The following HDAC9 variants were observed in gnomAD, a reference collection of about 807,000 sequenced individuals.
The protein encoded by HDAC9 is histone deacetylase 9, also known as MEF-2 interacting transcription repressor (MITR) protein.
A neutral mutation model predicts 139.4 loss-of-function variants in HDAC9; 41 were observed. The observed-to-expected ratio is 0.29, with a 90% confidence interval of 0.23 to 0.38. HDAC9 has a LOEUF of 0.38. HDAC9 is among the 10% of genes least tolerant of loss of function. The pLI is 1.00. For missense variants in HDAC9, 1,147 were observed against 1,297.0 expected (o/e 0.88, Z 1.78); for synonymous variants, 517 against 476.2 (o/e 1.09, Z -1.12).
intron 22 of HDAC9, among the ~76,000 whole-genome samples, chr7:18,877,634 G>C (rs1799418786): frequency 1.3e-5 from 2 of 152,106 alleles, no homozygotes; most frequent in South Asian, 4.1e-4. Flanking sequence ...AGTTTTGTTT[G>C]CTATCTCTGA....
At chr7:18,267,307 A>G (rs932762339) in intron 2 of HDAC9, among the ~76,000 whole-genome samples, 67 of 152,244 alleles carry the variant, frequency 4.4e-4, no homozygotes, top group African/African-American at 1.5e-3. Context: ...GAGAACACTT[A>G]GGAATATTTC....
chr7:18,801,203 T>C (rs1421662180), intron 17 of HDAC9, among the ~76,000 whole-genome samples: 1 of 152,122 alleles, frequency 6.6e-6, no homozygotes, highest in East Asian at 1.9e-4. Flanking sequence ...ATTATCTGTT[T>C]CACCATTAAA....
At chr7:18,113,348 G>GA (rs1450446854) in intron 1 of HDAC9, among the ~76,000 whole-genome samples, 17 of 152,156 alleles carry the variant, frequency 1.1e-4, no homozygotes, top group Admixed American at 3.3e-4. Flanking sequence ...TTTCTAGGCT[G>GA]AAATATTTAA....
At chr7:18,950,174 T>C (rs982062155) in intron 23 of HDAC9, among the ~76,000 whole-genome samples, 1 of 152,094 alleles carries the variant, frequency 6.6e-6, no homozygotes, top group South Asian at 2.1e-4. Flanking sequence ...TATTGCTTTT[T>C]CTTCCGCTCA....
At chr7:18,350,839 A>T (rs1460025875) in intron 1 of HDAC9, among the ~76,000 whole-genome samples, 1 of 152,144 alleles carries the variant, frequency 6.6e-6, no homozygotes, top group Admixed American at 6.5e-5. Context: ...AATCCCCATA[A>T]CGACACTGGG....
At chr7:18,209,858 G>A (rs1791809592) in intron 2 of HDAC9, among the ~76,000 whole-genome samples, 1 of 151,884 alleles carries the variant, frequency 6.6e-6, no homozygotes, top group Admixed American at 6.6e-5. Context: ...CCGCCACCAC[G>A]CCTGGCTAAT....
intron 22 of HDAC9, among the ~76,000 whole-genome samples, chr7:18,912,986 C>A (rs942824470): frequency 1.3e-5 from 2 of 152,052 alleles, no homozygotes; most frequent in Non-Finnish European, 2.9e-5. Flanking sequence ...TATTAGAAAA[C>A]TAAAGAGTTT....
chr7:18,368,851 A>G (rs936115912), intron 1 of HDAC9, among the ~76,000 whole-genome samples: 6 of 152,086 alleles, frequency 3.9e-5, no homozygotes, highest in African/African-American at 1.4e-4. Context: ...AGGGGTTGTA[A>G]CTGATGAACT....
chr7:18,206,912 T>C (rs945052756), intron 2 of HDAC9, among the ~76,000 whole-genome samples: 1 of 149,252 alleles, frequency 6.7e-6, no homozygotes, highest in Non-Finnish European at 1.5e-5. Context: ...ATTCAAAAAA[T>C]GATTCGAGAT....
rs2285433 is a variant in HDAC9 at position 18,636,297 on chromosome 7, C to G, written c.912+1555C>G. On this transcript the variant is annotated intron_variant, in intron 8 of 25. Coordinates refer to ENST00000686413, the MANE Select transcript of HDAC9 (RefSeq NM_178425.4). ...ACTGCTGTGTCCCCTGCCAGCCCCC[C>G]CTGCCCTGGGCTGTCTGATGTGGAA... Among the ~76,000 whole-genome samples the G allele has an allele frequency of 3.8e-3, 581 of 152,148 alleles. 3 individuals carry two copies. The highest frequency in any genetic ancestry group is 0.013 in the African/African-American group (550 of 41,546).
chr7:18,563,860 G>T (rs1017849240), intron 2 of HDAC9, among the ~76,000 whole-genome samples: 1 of 137,484 alleles, frequency 7.3e-6, no homozygotes. Context: ...TTTTTGAGAC[G>T]GATTCTTGCT....
chr7:18,129,799 A>G (rs1421299890), intron 1 of HDAC9, among the ~76,000 whole-genome samples: 2 of 152,182 alleles, frequency 1.3e-5, no homozygotes, highest in Non-Finnish European at 2.9e-5. Flanking sequence ...CTTATAGTCA[A>G]TGGAGGAGAA....
intron 21 of HDAC9, among the ~76,000 whole-genome samples, chr7:18,837,639 G>A (rs1395203679): frequency 6.6e-6 from 1 of 151,916 alleles, no homozygotes; most frequent in East Asian, 1.9e-4. Context: ...TTCCATTTGG[G>A]GTACTATAGC....
chr7:18,426,768 G>A (rs1317095966), intron 1 of HDAC9, among the ~76,000 whole-genome samples: 1 of 152,124 alleles, frequency 6.6e-6, no homozygotes, highest in Admixed American at 6.5e-5. Flanking sequence ...AAGATGACTT[G>A]TAAAGTTTAC....
At position 18,702,157 on chromosome 7, in the gene HDAC9, T is replaced by G. The variant is rs550995796; in HGVS notation, c.1732-25423T>G. On this transcript the variant is annotated intron_variant, in intron 12 of 25. Transcript: ENST00000686413. ...CGCTGACCCGTGAAAAGGGACAGGC[T>G]GTCGCTTGTGCCAGACCCATCTTTC... 5.9e-5 allele frequency among the ~76,000 whole-genome samples: 9 copies of G among 152,340 alleles called. 1 individual carries two copies. Among genetic ancestry groups the G allele is most frequent in the Admixed American group, 2.0e-4 (3 of 15,296 alleles).
rs780001154 is a variant in HDAC9, at chr7:18,767,167, T to C, written c.2214+12T>C. 5.2e-6 allele frequency: 8 copies of C among 1,532,694 alleles called. No individual in the cohort carries two copies. In the African/African-American group the frequency reaches 1.1e-4, roughly 21 times the overall value. 94.9% of individuals were successfully genotyped at this position (1,532,694 alleles called of 1,614,324 possible). On this transcript the variant is annotated intron_variant, in intron 16 of 25. Coordinates refer to ENST00000686413, the MANE Select transcript of HDAC9 (RefSeq NM_178425.4). ...GTGGTGGACTTGGGGTAAGTACAAG[T>C]TGGTTTACTGCCTTTAAATAACATA...
chr7:18,293,560 A>T (rs897230387), intron 1 of HDAC9, among the ~76,000 whole-genome samples: 1 of 152,156 alleles, frequency 6.6e-6, no homozygotes, highest in Admixed American at 6.5e-5. Context: ...GGCCACTGCA[A>T]ACCATCTTCC....
chr7:18,413,566 G>A (rs1191393523), intron 1 of HDAC9, among the ~76,000 whole-genome samples: 3 of 151,862 alleles, frequency 2.0e-5, no homozygotes, highest in African/African-American at 7.3e-5. Flanking sequence ...CCTATATGTC[G>A]GAAGCTCTGA....
At chr7:18,693,110 AAATTT>A (rs1259767675) in intron 12 of HDAC9, among the ~76,000 whole-genome samples, 1 of 152,000 alleles carries the variant, frequency 6.6e-6, no homozygotes, top group Non-Finnish European at 1.5e-5. Flanking sequence ...AAAAAGAAAA[AAATTT>A]AAATAGTAGC....
Sources: gnomAD v4.1 joint callset for allele counts (sites outside exome capture counted in the v4.1 genomes callset) on GRCh38, gnomAD v4.1.1 for gene constraint, MANE v1.5 for transcripts, NCBI Gene and HGNC (gene_info 2026-07-23, HGNC 2026-07-21) for gene names.